The following CNTNAP2 variants were observed in gnomAD, a reference collection of about 807,000 sequenced individuals.
The protein encoded by CNTNAP2 is contactin-associated protein-like 2.
CNTNAP2 carries 98 observed loss-of-function variants against 155.2 expected under a neutral mutation model. The observed-to-expected ratio is 0.63, with a 90% CI of 0.54 to 0.75. CNTNAP2 has a LOEUF of 0.75. Ranked by LOEUF, CNTNAP2 falls within the 30% of genes least tolerant of loss-of-function variation. The pLI is 0.00. For synonymous variants in CNTNAP2, 651 were observed against 631.2 expected (o/e 1.03, Z -0.47); for missense variants, 1,727 against 1,688.1 (o/e 1.02, Z -0.40).
rs117404575 is a variant in CNTNAP2 at position 147,685,996 on chromosome 7, T to C, written c.2098+46690T>C. On this transcript the variant is annotated intron_variant, in intron 13 of 23. Coordinates refer to ENST00000361727, the MANE Select transcript of CNTNAP2 (RefSeq NM_014141.6). Reference sequence around the variant, plus strand: ...AGGCTGTGTGCAATTAAAGGGGATGTTGACTTTAAGTGAGAGGGAGGGCCA... The same window carrying C: ...AGGCTGTGTGCAATTAAAGGGGATGCTGACTTTAAGTGAGAGGGAGGGCCA... 4.1e-3 allele frequency among the ~76,000 whole-genome samples: 619 copies of C among 152,058 alleles called. 2 individuals carry two copies. Among genetic ancestry groups the C allele is most frequent in the Middle Eastern group, 0.02 (6 of 294 alleles).
intron 1 of CNTNAP2, among the ~76,000 whole-genome samples, chr7:146,145,882 G>C (rs1250735128): frequency 6.6e-6 from 1 of 152,170 alleles, no homozygotes; most frequent in Non-Finnish European, 1.5e-5. Flanking sequence ...AAGCAGCCAT[G>C]AGTTTGTGTC....
intron 4 of CNTNAP2, among the ~76,000 whole-genome samples, chr7:147,085,477 CT>C (rs1434921970): frequency 1.3e-5 from 2 of 152,106 alleles, no homozygotes; most frequent in African/African-American, 4.8e-5. Flanking sequence ...AATCTAGTGC[CT>C]GATGATCTGA....
chr7:147,818,873 C>T (rs945027072), intron 13 of CNTNAP2, among the ~76,000 whole-genome samples: 2 of 152,146 alleles, frequency 1.3e-5, no homozygotes, highest in Non-Finnish European at 2.9e-5. Context: ...ATAGTTCTTA[C>T]TTCAGAGACA....
chr7:147,356,995 T>C (rs1317997373), intron 9 of CNTNAP2, among the ~76,000 whole-genome samples: 1 of 152,074 alleles, frequency 6.6e-6, no homozygotes, highest in Non-Finnish European at 1.5e-5. Flanking sequence ...CACTTGAAAT[T>C]ATATCCTTGT....
chr7:146,582,850 G>A (rs867387489), intron 1 of CNTNAP2, among the ~76,000 whole-genome samples: 6 of 150,226 alleles, frequency 4.0e-5, no homozygotes, highest in Middle Eastern at 3.5e-3. Flanking sequence ...TGAGCAGCTC[G>A]TTAGTATCCT....
chr7:147,355,974 C>T (rs928641015), intron 9 of CNTNAP2, among the ~76,000 whole-genome samples: 4 of 152,174 alleles, frequency 2.6e-5, no homozygotes, highest in South Asian at 2.1e-4. Context: ...CTGGCAGAGA[C>T]ACAATAAGAA....
intron 8 of CNTNAP2, among the ~76,000 whole-genome samples, chr7:147,170,451 C>A (rs980013989): frequency 2.0e-5 from 3 of 152,056 alleles, no homozygotes; most frequent in Non-Finnish European, 4.4e-5. Flanking sequence ...TTTGATGTTT[C>A]TGGCTGTGGG....
chr7:146,502,973 A>C (rs956935578), intron 1 of CNTNAP2, among the ~76,000 whole-genome samples: 1 of 152,108 alleles, frequency 6.6e-6, no homozygotes, highest in Admixed American at 6.6e-5. Flanking sequence ...TATTATTTTC[A>C]TATACTTGTT....
chr7:146,781,616 G>C (rs1802492037), intron 2 of CNTNAP2, among the ~76,000 whole-genome samples: 1 of 152,080 alleles, frequency 6.6e-6, no homozygotes, highest in Non-Finnish European at 1.5e-5. Flanking sequence ...GCCTCTTACA[G>C]GCTCCCAGGC....
At chr7:147,842,281 A>C (rs1371901434) in intron 13 of CNTNAP2, among the ~76,000 whole-genome samples, 5 of 152,254 alleles carry the variant, frequency 3.3e-5, no homozygotes, top group Non-Finnish European at 7.3e-5. Flanking sequence ...CGTGAGAGAC[A>C]CATATAAGCA....
chr7:146,741,772 C>T (rs192934533), intron 1 of CNTNAP2, among the ~76,000 whole-genome samples: 25 of 152,140 alleles, frequency 1.6e-4, no homozygotes, highest in Admixed American at 1.4e-3. Context: ...GCCGCAAGTG[C>T]TGGCAAGGAG....
rs577852961 is a variant in CNTNAP2 at position 148,032,614 on chromosome 7, A to T, written c.2383+54625A>T. Among the ~76,000 whole-genome samples the T allele has an allele frequency of 1.1e-3, 167 of 152,268 alleles. 1 individual carries two copies. Among genetic ancestry groups the T allele is most frequent in the African/African-American group, 4.0e-3 (166 of 41,564 alleles). Reference sequence around the variant, plus strand: ...GTTCAAGGTCCCAACATGACACCTTATTTGCAGAACATCCCCCAAAACAAA... The same window carrying T: ...GTTCAAGGTCCCAACATGACACCTTTTTTGCAGAACATCCCCCAAAACAAA... On this transcript the variant is annotated intron_variant, in intron 15 of 23. Coordinates refer to ENST00000361727, the MANE Select transcript of CNTNAP2 (RefSeq NM_014141.6).
chr7:146,143,418 T>C (rs923387936), intron 1 of CNTNAP2, among the ~76,000 whole-genome samples: 6 of 152,140 alleles, frequency 3.9e-5, no homozygotes, highest in Non-Finnish European at 8.8e-5. Flanking sequence ...AAAAACCTCA[T>C]TTCTAAAACC....
chr7:146,756,233 A>G (rs376480182), intron 1 of CNTNAP2, among the ~76,000 whole-genome samples: 9 of 152,112 alleles, frequency 5.9e-5, no homozygotes, highest in African/African-American at 2.2e-4. Flanking sequence ...TTATGATAAA[A>G]ACATGAAAAA....
At chr7:146,842,677 G>A (rs978066673) in intron 3 of CNTNAP2, among the ~76,000 whole-genome samples, 3 of 151,962 alleles carry the variant, frequency 2.0e-5, no homozygotes, top group African/African-American at 7.3e-5. Context: ...AAGAGACGGG[G>A]GTGTCACATA....
intron 14 of CNTNAP2, among the ~76,000 whole-genome samples, chr7:147,950,074 T>G (rs1181760794): frequency 1.3e-5 from 2 of 151,884 alleles, no homozygotes; most frequent in African/African-American, 2.4e-5. Context: ...TTGCAATGAG[T>G]TGGTTCTGTA....
intron 18 of CNTNAP2, among the ~76,000 whole-genome samples, chr7:148,173,563 A>T (rs1794870614): frequency 6.6e-6 from 1 of 152,224 alleles, no homozygotes; most frequent in African/African-American, 2.4e-5. Context: ...TGAGCATACA[A>T]ATTAGGCCAG....
chr7:146,866,239 A>G (rs917834744), intron 3 of CNTNAP2, among the ~76,000 whole-genome samples: 1 of 152,138 alleles, frequency 6.6e-6, no homozygotes. Flanking sequence ...GATAAAAGAA[A>G]TATTATCAAT....
At chr7:146,585,356 G>A (rs569356504) in intron 1 of CNTNAP2, among the ~76,000 whole-genome samples, 7 of 151,896 alleles carry the variant, frequency 4.6e-5, no homozygotes, top group Non-Finnish European at 1.0e-4. Context: ...TCCTGACCTC[G>A]TGATCCACCC....
Sources: allele counts gnomAD v4.1 joint callset (sites outside exome capture counted in the v4.1 genomes callset), GRCh38; gene constraint gnomAD v4.1.1; transcripts MANE v1.5; gene names NCBI Gene and HGNC (gene_info 2026-07-23, HGNC 2026-07-21).